The following TUT7 variants were observed in gnomAD, a reference collection of about 807,000 sequenced individuals.
TUT7 encodes the protein terminal uridylyl transferase 7, also known as terminal uridylyltransferase 7.
A neutral mutation model predicts 165.9 loss-of-function variants in TUT7; 33 were observed. The observed-to-expected ratio is 0.20, with a 90% CI of 0.15 to 0.27. The LOEUF is 0.27. TUT7 is among the 10% of genes least tolerant of loss of function. TUT7 has a pLI of 1.00. For synonymous variants in TUT7, 552 were observed against 608.1 expected (o/e 0.91, Z 1.36); for missense variants, 1,338 against 1,762.3 (o/e 0.76, Z 4.31).
At chr9:86,312,394 G>A (rs567098973) in intron 17 of TUT7, among the ~76,000 whole-genome samples, 8 of 150,920 alleles carry the variant, frequency 5.3e-5, no homozygotes, top group Middle Eastern at 7.0e-3. Context: ...CAGCCGCCCC[G>A]TCTGAGAAGT....
chr9:86,332,325 T>A (rs951367632), intron 10 of TUT7, among the ~76,000 whole-genome samples: 1 of 151,924 alleles, frequency 6.6e-6, no homozygotes, highest in South Asian at 2.1e-4. Flanking sequence ...AAAGAAAATA[T>A]GGTACATATA....
chr9:86,338,794 G>A (rs1268404699), intron 9 of TUT7, 29 bp downstream of exon 9: 1 of 1,560,840 alleles, frequency 6.4e-7, no homozygotes, highest in Non-Finnish European at 8.7e-7. Context: ...TATGTAGAAT[G>A]TATTCATGCA....
chr9:86,320,382 T>C (rs1009073108), intron 14 of TUT7, among the ~76,000 whole-genome samples: 3 of 152,144 alleles, frequency 2.0e-5, no homozygotes, highest in Admixed American at 6.5e-5. Context: ...CTTTAAATAT[T>C]TTCTTTTGTA....
rs1049925789 is a variant in TUT7, at chr9:86,345,400, C to A, written c.820-246G>T. 2.0e-4 allele frequency among the ~76,000 whole-genome samples: 30 copies of A among 152,168 alleles called. 1 individual carries two copies. Among genetic ancestry groups the A allele is most frequent in the African/African-American group, 7.0e-4 (29 of 41,436 alleles). On this transcript the variant is annotated intron_variant, in intron 4 of 26. Coordinates refer to ENST00000375963, the MANE Select transcript of TUT7 (RefSeq NM_024617.4). ...GAAAGAATATTAAAAACAGCACTTA[C>A]AAACATTGTTTGCTTTAATACTAGT...
intron 12 of TUT7, chr9:86,324,228 G>A (rs1829585019): frequency 4.7e-6 from 1 of 212,266 alleles, no homozygotes; most frequent in African/African-American, 2.3e-5. Context: ...TGTGCTCTGT[G>A]ACTGTGGAGG....
In TUT7 at chr9:86,303,946, T is replaced by TA. The variant is rs1279004429; in HGVS notation, c.3979-746dup. On this transcript the variant is annotated intron_variant, in intron 24 of 26. Transcript: ENST00000375963. ...GAATGTGCCTATAAAGCAATACACT[T>TA]ACGTTAAATTTTAAAAGTCTTCACT... 5.4e-4 allele frequency among the ~76,000 whole-genome samples: 82 copies of TA among 152,326 alleles called. 1 individual carries two copies. The highest frequency in any genetic ancestry group is 1.8e-3 in the African/African-American group (75 of 41,570).
intron 18 of TUT7, among the ~76,000 whole-genome samples, chr9:86,310,300 T>C (rs1587890545): frequency 6.6e-6 from 1 of 152,272 alleles, no homozygotes; most frequent in South Asian, 2.1e-4. Context: ...TCAACTGAAA[T>C]TAACCTTTTT....
intron 10 of TUT7, among the ~76,000 whole-genome samples, chr9:86,331,739 T>C (rs1038600669): frequency 1.3e-5 from 2 of 152,208 alleles, no homozygotes; most frequent in African/African-American, 4.8e-5. Context: ...TAGAATATAG[T>C]CTTGCTTTTA....
chr9:86,326,764 T>TG (rs1457422960), intron 11 of TUT7, among the ~76,000 whole-genome samples: 2 of 152,148 alleles, frequency 1.3e-5, no homozygotes, highest in East Asian at 3.8e-4. Context: ...ATGAGAACAA[T>TG]GTCTCAATGT....
chr9:86,330,210 A>C (rs1830185851), intron 10 of TUT7, among the ~76,000 whole-genome samples: 2 of 152,148 alleles, frequency 1.3e-5, no homozygotes, highest in Non-Finnish European at 2.9e-5. Flanking sequence ...GGCGCCTGCC[A>C]CCATGCCCAG....
Position 86,304,845 on chromosome 9 carries a change from A to C in TUT7, c.3978+11T>G. ...TTATTTTTTATTTTTTGGTATTTCC[A>C]ACACACTTACCATTTTTGAGGGGTA... On this transcript the variant is annotated intron_variant, in intron 24 of 26. Transcript: ENST00000375963. 1 of 1,581,754 alleles carries C rather than the reference A, an allele frequency of 6.3e-7. No individual in the cohort carries two copies. The highest frequency in any genetic ancestry group is 8.6e-7 in the Non-Finnish European group (1 of 1,160,052).
chr9:86,290,849 G>T (rs989328399), intron 26 of TUT7, among the ~76,000 whole-genome samples: 27 of 151,678 alleles, frequency 1.8e-4, no homozygotes, highest in African/African-American at 6.3e-4. Context: ...GACAGAGCAA[G>T]ACTCCATCTC....
chr9:86,298,064 C>A (rs1257399376), intron 26 of TUT7, among the ~76,000 whole-genome samples: 1 of 152,102 alleles, frequency 6.6e-6, no homozygotes, highest in Non-Finnish European at 1.5e-5. Flanking sequence ...CCCCGACTGG[C>A]CCCTTTGTTT....
intron 10 of TUT7, among the ~76,000 whole-genome samples, chr9:86,335,420 T>C (rs1291547992): frequency 6.6e-6 from 1 of 152,146 alleles, no homozygotes; most frequent in Non-Finnish European, 1.5e-5. Context: ...GGAATTATGA[T>C]TGGGAATAAA....
intron 12 of TUT7, 64 bp downstream of exon 12, chr9:86,325,270 T>C (rs776522660): frequency 8.5e-5 from 125 of 1,470,922 alleles, no homozygotes; most frequent in Non-Finnish European, 1.0e-4. Flanking sequence ...ATAAAAAGCA[T>C]GCTGTTAGAC....
chr9:86,308,163 T>A (rs946228486), intron 22 of TUT7, among the ~76,000 whole-genome samples: 7 of 152,214 alleles, frequency 4.6e-5, no homozygotes, highest in Non-Finnish European at 1.0e-4. Flanking sequence ...GAAGTCCCAC[T>A]TTCTTGAAGC....
intron 17 of TUT7, among the ~76,000 whole-genome samples, chr9:86,314,897 T>G (rs1828556633): frequency 6.6e-6 from 1 of 152,200 alleles, no homozygotes; most frequent in African/African-American, 2.4e-5. Flanking sequence ...TCTATGCACT[T>G]AGAAATGATT....
At chr9:86,319,857 A>G (rs1829076533) in intron 14 of TUT7, among the ~76,000 whole-genome samples, 187 bp from the exon 15 acceptor site, 1 of 152,102 alleles carries the variant, frequency 6.6e-6, no homozygotes, top group South Asian at 2.1e-4. Context: ...TTTTGAGATA[A>G]GGTCTGGTTC....
intron 17 of TUT7, among the ~76,000 whole-genome samples, chr9:86,312,528 G>T (rs1412467134): frequency 2.7e-5 from 4 of 150,820 alleles, no homozygotes; most frequent in Non-Finnish European, 4.4e-5. Context: ...GCCCCGTCTG[G>T]GAGGTGAGGG....
Sources: gnomAD v4.1 joint callset for allele counts (sites outside exome capture counted in the v4.1 genomes callset) on GRCh38, gnomAD v4.1.1 for gene constraint, MANE v1.5 for transcripts, NCBI Gene and HGNC (gene_info 2026-07-23, HGNC 2026-07-21) for gene names.